PSD3: variants seen among roughly 807,000 people sequenced by gnomAD.
PSD3 encodes the protein PH and SEC7 domain-containing protein 3.
PSD3 carries 49 observed loss-of-function variants against 105.5 expected under a neutral mutation model. The observed-to-expected ratio is 0.46, with a 90% CI of 0.37 to 0.59. PSD3 has a LOEUF of 0.59. PSD3 is among the 20% of genes least tolerant of loss of function. The probability of loss-of-function intolerance (pLI) is 0.00; values close to 1 mark genes in which losing one functional copy is unlikely to be tolerated. For synonymous variants in PSD3, 557 were observed against 457.8 expected, an observed-to-expected ratio of 1.22 and a Z score of -2.77; for missense variants, 1,561 against 1,263.8, an observed-to-expected ratio of 1.24 and a Z score of -3.57.
intron 11 of PSD3, among the ~76,000 whole-genome samples, chr8:18,611,746 G>A (rs1030098699): frequency 3.4e-5 from 5 of 146,862 alleles, no homozygotes; most frequent in African/African-American, 1.3e-4. Context: ...AGAGCCTTAA[G>A]GGAATGTGAT....
At chr8:18,636,147 G>A (rs1045397621) in intron 10 of PSD3, among the ~76,000 whole-genome samples, 1 of 152,166 alleles carries the variant, frequency 6.6e-6, no homozygotes, top group South Asian at 2.1e-4. Flanking sequence ...TGAGGCGAAA[G>A]ACAGTGATAT....
At chr8:18,999,547 A>G (rs1896196) in intron 1 of PSD3, among the ~76,000 whole-genome samples, 121,936 of 151,678 alleles carry the variant, frequency 0.8, 50,205 homozygotes, top group East Asian at 0.95. Context: ...AACAAACATA[A>G]GCATAATGAG....
intron 1 of PSD3, among the ~76,000 whole-genome samples, chr8:19,044,050 A>C (rs906115758): frequency 2.0e-5 from 3 of 152,150 alleles, no homozygotes; most frequent in Non-Finnish European, 4.4e-5. Context: ...CCCCTACTGC[A>C]CAGGCCTCAG....
intron 4 of PSD3, among the ~76,000 whole-genome samples, chr8:18,845,673 G>C (rs889636899): frequency 6.6e-6 from 1 of 152,074 alleles, no homozygotes; most frequent in Non-Finnish European, 1.5e-5. Flanking sequence ...GTGGTGGCTC[G>C]CACCTGTAAT....
chr8:18,931,837 C>G (rs1024598065), intron 2 of PSD3, among the ~76,000 whole-genome samples: 1 of 152,164 alleles, frequency 6.6e-6, no homozygotes, highest in African/African-American at 2.4e-5. Flanking sequence ...TAGCATATTT[C>G]AAGGGAGTGG....
At chr8:18,763,755 C>A (rs118187744) in intron 9 of PSD3, among the ~76,000 whole-genome samples, 3 of 152,176 alleles carry the variant, frequency 2.0e-5, no homozygotes, top group African/African-American at 4.8e-5. Flanking sequence ...AAAACCCATT[C>A]CTACTGAAAT....
In PSD3 at chr8:19,010,433, G is replaced by C. The variant is rs937163877; in HGVS notation, c.21+3130C>G. 7.9e-5 allele frequency among the ~76,000 whole-genome samples: 12 copies of C among 152,164 alleles called. No individual in the cohort carries two copies. In the East Asian group the frequency reaches 2.3e-3, roughly 29 times the overall value. The stretch of plus-strand genomic sequence containing the variant: ...TTTTTATATAAATAAGATAGCACAC[G>C]CAAAGATTCATTATTAATGTTGAGT... On this transcript the variant is annotated intron_variant, in intron 1 of 15. Coordinates refer to ENST00000327040, the MANE Select transcript of PSD3 (RefSeq NM_015310.4).
intron 9 of PSD3, among the ~76,000 whole-genome samples, chr8:18,679,157 G>T (rs1231078708): frequency 6.6e-6 from 1 of 152,166 alleles, no homozygotes; most frequent in Non-Finnish European, 1.5e-5. Flanking sequence ...AGCAAAAGTG[G>T]TCTAGGAAGA....
At chr8:18,552,626 A>G (rs1800835956) in intron 15 of PSD3, among the ~76,000 whole-genome samples, 1 of 152,236 alleles carries the variant, frequency 6.6e-6, no homozygotes, top group African/African-American at 2.4e-5. Flanking sequence ...ACAGGGATCA[A>G]TTAAATATTT....
At chr8:18,745,947 AG>A (rs1392151383) in intron 9 of PSD3, among the ~76,000 whole-genome samples, 1 of 152,260 alleles carries the variant, frequency 6.6e-6, no homozygotes, top group African/African-American at 2.4e-5. Flanking sequence ...ATACAGATAA[AG>A]TAATGATAGA....
At chr8:18,688,994 G>A (rs528280155) in intron 9 of PSD3, among the ~76,000 whole-genome samples, 3 of 152,172 alleles carry the variant, frequency 2.0e-5, no homozygotes, top group East Asian at 1.9e-4. Flanking sequence ...CTAATTAAGC[G>A]GAAGGCTGGA....
chr8:19,013,776 C>T (rs1320194073), upstream of PSD3: 4 of 237,354 alleles, frequency 1.7e-5, no homozygotes, highest in South Asian at 4.9e-4. Context: ...GCCCGCCCGG[C>T]CCCCAGTAAC....
intron 11 of PSD3, among the ~76,000 whole-genome samples, chr8:18,622,816 G>A (rs1209293533): frequency 2.0e-5 from 3 of 151,992 alleles, no homozygotes; most frequent in Non-Finnish European, 2.9e-5. Flanking sequence ...GGAGCTTAAC[G>A]GATCTCTCTC....
At chr8:18,826,899 A>G (rs1224422771) in intron 4 of PSD3, among the ~76,000 whole-genome samples, 1 of 152,220 alleles carries the variant, frequency 6.6e-6, no homozygotes, top group African/African-American at 2.4e-5. Context: ...TACCAAAGTG[A>G]TATCAATGGT....
At chr8:18,951,430 C>A (rs1045629261) in intron 1 of PSD3, among the ~76,000 whole-genome samples, 7 of 152,006 alleles carry the variant, frequency 4.6e-5, no homozygotes, top group African/African-American at 1.7e-4. Flanking sequence ...CCAAAAAGGA[C>A]CACGGAACAG....
At chr8:18,679,652 T>C (rs1238144278) in intron 9 of PSD3, among the ~76,000 whole-genome samples, 1 of 152,146 alleles carries the variant, frequency 6.6e-6, no homozygotes, top group Non-Finnish European at 1.5e-5. Flanking sequence ...GGATGAGTCT[T>C]GGGGAGGTGA....
chr8:19,013,530 A>G (rs1456384766), intron 1 of PSD3, 33 bp downstream of exon 1: 5 of 1,574,820 alleles, frequency 3.2e-6, no homozygotes, highest in Non-Finnish European at 4.3e-6. Context: ...CCGCGTGCGC[A>G]CCCCGCGCCC....
chr8:18,711,865 A>G (rs963697461), intron 9 of PSD3, among the ~76,000 whole-genome samples: 4 of 152,178 alleles, frequency 2.6e-5, no homozygotes, highest in African/African-American at 9.7e-5. Flanking sequence ...TCTAAAATTG[A>G]TCACATAATT....
At chr8:18,846,130 C>A (rs1320810411) in intron 4 of PSD3, among the ~76,000 whole-genome samples, 1 of 152,156 alleles carries the variant, frequency 6.6e-6, no homozygotes, top group Non-Finnish European at 1.5e-5. Flanking sequence ...TTTGCAGATT[C>A]CCTCATGATC....
Sources: gnomAD v4.1 joint callset for allele counts (sites outside exome capture counted in the v4.1 genomes callset) on GRCh38, gnomAD v4.1.1 for gene constraint, MANE v1.5 for transcripts, NCBI Gene and HGNC (gene_info 2026-07-23, HGNC 2026-07-21) for gene names.